Variants in NFIB observed in about 807,000 individuals in gnomAD.
NFIB encodes the protein nuclear factor 1 B-type.
A neutral mutation model predicts 61.5 loss-of-function variants in NFIB; 11 were observed. The observed-to-expected ratio is 0.18, with a 90% confidence interval of 0.11 to 0.30. NFIB has a LOEUF of 0.30. Among genes scored for constraint, NFIB ranks in the 10% least tolerant of loss-of-function variants. The pLI is 1.00. For missense variants in NFIB, 471 were observed against 608.9 expected (o/e 0.77, Z 2.38); for synonymous variants, 260 against 216.5 (o/e 1.20, Z -1.76).
chr9:14,108,429 T>A (rs995394041), intron 10 of NFIB, among the ~76,000 whole-genome samples: 36 of 152,114 alleles, frequency 2.4e-4, no homozygotes, highest in African/African-American at 8.4e-4. Context: ...AGAAGTAATT[T>A]CTTAAAAAGG....
Position 14,309,115 on chromosome 9 carries a change from T to C in NFIB, c.31-1595A>G, listed in dbSNP as rs924765524. ...ATTGTATCCCAAGTTAGAATTTACATACTCATGTTAATCACCCTGAACTAC... is the reference window on the plus strand; with the variant it reads ...ATTGTATCCCAAGTTAGAATTTACACACTCATGTTAATCACCCTGAACTAC... On this transcript the variant is annotated intron_variant, in intron 1 of 10. Coordinates refer to ENST00000380953, the MANE Select transcript of NFIB (RefSeq NM_001190737.2). Among the ~76,000 whole-genome samples the C allele has an allele frequency of 3.9e-5, 6 of 152,202 alleles. No homozygotes were observed. In the East Asian group the frequency reaches 7.7e-4, roughly 20 times the overall value.
At chr9:14,204,715 T>C in intron 2 of NFIB, 1 of 602,006 alleles carries the variant, frequency 1.7e-6, no homozygotes, top group Non-Finnish European at 3.0e-6. Flanking sequence ...TGGTGGTGAT[T>C]GCATACAACA....
chr9:14,315,276 C>A (rs558122651), upstream of NFIB, among the ~76,000 whole-genome samples: 3 of 151,346 alleles, frequency 2.0e-5, no homozygotes, highest in East Asian at 5.9e-4. Flanking sequence ...CGGCGCGCGG[C>A]GCTTCGCCGC....
intron 4 of NFIB, among the ~76,000 whole-genome samples, chr9:14,152,844 C>T (rs1160219039): frequency 2.0e-5 from 3 of 146,458 alleles, no homozygotes; most frequent in East Asian, 2.0e-4. Context: ...TTGATCTCAT[C>T]GAAGGGGTTG....
chr9:14,295,523 C>CGGCAAGCTGAGCA (rs1563985351), intron 2 of NFIB, among the ~76,000 whole-genome samples: 1 of 152,034 alleles, frequency 6.6e-6, no homozygotes, highest in African/African-American at 2.4e-5. Context: ...CCCAGCTACT[C>CGGCAAGCTGAGCA]GGCAAGCTGA....
intron 2 of NFIB, chr9:14,305,752 AT>A: frequency 3.6e-6 from 1 of 275,076 alleles, no homozygotes; most frequent in Non-Finnish European, 6.8e-6. Flanking sequence ...AGTAATTTTG[AT>A]TTTTTTGAAT....
At chr9:14,480,095 G>T in the NFIB span, among the ~76,000 whole-genome samples, 1 of 151,908 alleles carries the variant, frequency 6.6e-6, no homozygotes, top group African/African-American at 2.4e-5. Context: ...TGTAGGGAGG[G>T]AACTAACTTC....
chr9:14,496,747 T>G, the NFIB span, among the ~76,000 whole-genome samples: 1 of 152,184 alleles, frequency 6.6e-6, no homozygotes, highest in Non-Finnish European at 1.5e-5. Context: ...ACTTCCCCTC[T>G]CAGAGCCAGA....
intron 2 of NFIB, among the ~76,000 whole-genome samples, chr9:14,253,332 A>G (rs1291685698): frequency 6.6e-6 from 1 of 152,202 alleles, no homozygotes; most frequent in Non-Finnish European, 1.5e-5. Context: ...AAAGGGACTG[A>G]GTGGTCACCA....
At chr9:14,204,410 G>T (rs1475307547) in intron 2 of NFIB, 2 of 1,134,680 alleles carry the variant, frequency 1.8e-6, no homozygotes, top group Non-Finnish European at 2.6e-6. Flanking sequence ...CGCCCGCTTT[G>T]TGAAATGGCC....
chr9:14,136,423 T>C (rs1395180468), intron 6 of NFIB, among the ~76,000 whole-genome samples: 1 of 152,144 alleles, frequency 6.6e-6, no homozygotes, highest in Non-Finnish European at 1.5e-5. Flanking sequence ...GTTAAGCATC[T>C]GAGAGCCATG....
At chr9:14,466,913 C>T in the NFIB span, among the ~76,000 whole-genome samples, 4 of 152,122 alleles carry the variant, frequency 2.6e-5, no homozygotes, top group African/African-American at 4.8e-5. Flanking sequence ...TGCCTGAAAA[C>T]AAGCCAAGGC....
chr9:14,222,803 A>AAAAAAAC (rs2051852258), intron 2 of NFIB, among the ~76,000 whole-genome samples: 1 of 150,948 alleles, frequency 6.6e-6, no homozygotes. Flanking sequence ...CTCAAAAAAA[A>AAAAAAAC]AAAAAAGAAA....
At chr9:14,418,291 C>T in the NFIB span, among the ~76,000 whole-genome samples, 2 of 152,232 alleles carry the variant, frequency 1.3e-5, no homozygotes, top group Non-Finnish European at 2.9e-5. Context: ...TCACAGCCCC[C>T]TGGCTTTCAT....
At chr9:14,456,740 G>A in the NFIB span, among the ~76,000 whole-genome samples, 54,165 of 151,882 alleles carry the variant, frequency 0.36, 10,475 homozygotes, top group Admixed American at 0.49. Flanking sequence ...CTTCCGGTAG[G>A]GGTACAAATT....
At chr9:14,458,190 T>G in the NFIB span, among the ~76,000 whole-genome samples, 1 of 152,230 alleles carries the variant, frequency 6.6e-6, no homozygotes, top group Non-Finnish European at 1.5e-5. Flanking sequence ...GCTTCATCCC[T>G]GGGATGCAAG....
the NFIB span, among the ~76,000 whole-genome samples, chr9:14,510,522 C>G: frequency 6.6e-6 from 1 of 152,156 alleles, no homozygotes; most frequent in Non-Finnish European, 1.5e-5. Flanking sequence ...TGTGTAATAT[C>G]TGTAGCATTT....
At chr9:14,190,968 G>C (rs2047884297) in intron 2 of NFIB, among the ~76,000 whole-genome samples, 1 of 152,124 alleles carries the variant, frequency 6.6e-6, no homozygotes, top group Admixed American at 6.5e-5. Context: ...TGAGGTGGGT[G>C]GATAACCTGA....
chr9:14,527,064 T>G, the NFIB span, among the ~76,000 whole-genome samples: 1 of 152,168 alleles, frequency 6.6e-6, no homozygotes, highest in African/African-American at 2.4e-5. Context: ...CATTCCCACA[T>G]AAGAAAGTAT....
Sources: allele counts gnomAD v4.1 joint callset (sites outside exome capture counted in the v4.1 genomes callset), GRCh38; gene constraint gnomAD v4.1.1; transcripts MANE v1.5; gene names NCBI Gene and HGNC (gene_info 2026-07-23, HGNC 2026-07-21).